Variants in OSBPL8 observed in about 807,000 individuals in gnomAD.
OSBPL8 encodes oxysterol-binding protein-related protein 8.
Under a neutral mutation model 125.5 loss-of-function variants are expected in OSBPL8, and 59 were observed. That is an observed-to-expected ratio of 0.47 (90% CI 0.38 to 0.58). The LOEUF is 0.58. Ranked by LOEUF, OSBPL8 falls within the 20% of genes least tolerant of loss-of-function variation. The probability of loss-of-function intolerance (pLI) is 0.00; values close to 1 mark genes in which losing one functional copy is unlikely to be tolerated. For synonymous variants in OSBPL8, 330 were observed against 338.9 expected (o/e 0.97, Z 0.29); for missense variants, 758 against 1,047.8 (o/e 0.72, Z 3.82).
At chr12:76,514,873 T>C (rs1881376744) in intron 1 of OSBPL8, among the ~76,000 whole-genome samples, 1 of 152,352 alleles carries the variant, frequency 6.6e-6, no homozygotes, top group South Asian at 2.1e-4. Flanking sequence ...TTTATGTTTG[T>C]CTATCTTATT....
intron 17 of OSBPL8, among the ~76,000 whole-genome samples, chr12:76,373,735 C>CGTAA (rs1565836555): frequency 6.6e-6 from 1 of 152,024 alleles, no homozygotes; most frequent in Non-Finnish European, 1.5e-5. Context: ...TGTGTCCTCC[C>CGTAA]CTGTCAAGAC....
chr12:76,485,504 G>A (rs764246821), intron 2 of OSBPL8, among the ~76,000 whole-genome samples: 7 of 152,056 alleles, frequency 4.6e-5, no homozygotes, highest in Non-Finnish European at 1.0e-4. Flanking sequence ...ACCAGGAGGC[G>A]GAGGTTGCGG....
chr12:76,532,259 A>T (rs1226185798), intron 1 of OSBPL8, among the ~76,000 whole-genome samples: 1 of 152,102 alleles, frequency 6.6e-6, no homozygotes, highest in Non-Finnish European at 1.5e-5. Flanking sequence ...GAAAATGAAA[A>T]GCACTTAATA....
intron 1 of OSBPL8, among the ~76,000 whole-genome samples, chr12:76,537,592 A>T (rs1404801590): frequency 6.6e-6 from 1 of 152,164 alleles, no homozygotes; most frequent in Admixed American, 6.6e-5. Context: ...GATGAGAGAG[A>T]TTCACAATGA....
chr12:76,410,442 C>T, intron 5 of OSBPL8, 122 bp downstream of exon 5: 1 of 687,780 alleles, frequency 1.5e-6, no homozygotes, highest in African/African-American at 1.8e-5. Context: ...ATACACACTA[C>T]ATGGTTCAGA....
At chr12:76,498,261 C>T (rs1879488055) in intron 1 of OSBPL8, among the ~76,000 whole-genome samples, 2 of 152,190 alleles carry the variant, frequency 1.3e-5, no homozygotes, top group South Asian at 4.1e-4. Context: ...AGAGGTCACA[C>T]AATGTCAGGA....
At chr12:76,468,549 T>C (rs1875737956) in intron 2 of OSBPL8, among the ~76,000 whole-genome samples, 1 of 152,222 alleles carries the variant, frequency 6.6e-6, no homozygotes, top group African/African-American at 2.4e-5. Context: ...CACTGCAATA[T>C]CTCTTAAAAC....
intron 14 of OSBPL8, 166 bp downstream of exon 14, chr12:76,386,002 T>C: frequency 1.1e-6 from 1 of 919,030 alleles, no homozygotes; most frequent in African/African-American, 1.7e-5. Context: ...TATGAATATA[T>C]TTAGTAGTAC....
Position 76,437,942 on chromosome 12 carries a change from C to A in OSBPL8, c.217+12909G>T, listed in dbSNP as rs191610410. 1.1e-4 allele frequency among the ~76,000 whole-genome samples: 16 copies of A among 152,244 alleles called. No homozygotes were observed. In the East Asian group the frequency reaches 3.1e-3, roughly 29 times the overall value. The stretch of plus-strand genomic sequence containing the variant: ...TTTTGCTAACCACTTGTTATAGGCA[C>A]ACAGAACTGCAGTTAACATAAATTA... On this transcript the variant is annotated intron_variant, in intron 4 of 23. Coordinates refer to ENST00000261183, the MANE Select transcript of OSBPL8 (RefSeq NM_020841.5).
At chr12:76,377,442 T>C (rs992511294) in intron 16 of OSBPL8, among the ~76,000 whole-genome samples, 4 of 152,126 alleles carry the variant, frequency 2.6e-5, no homozygotes. Flanking sequence ...CATCTGTTAT[T>C]TCCTGACTTT....
In OSBPL8 at chr12:76,369,122, T is replaced by C. The variant is rs1386517066; in HGVS notation, c.2328+92A>G. The C allele has an allele frequency of 3.4e-6, 5 of 1,455,890 alleles. No individual in the cohort carries two copies. The Admixed American group carries it at 1.1e-4, about 32-fold the overall frequency. The allele number at this position is 1,455,890 out of a possible 1,614,324, so 90.2% of individuals were successfully genotyped here. On this transcript the variant is annotated intron_variant, in intron 21 of 23. Coordinates refer to ENST00000261183, the MANE Select transcript of OSBPL8 (RefSeq NM_020841.5). ...TGCGTATTTTGCTCACCCAAAATTT[T>C]AAATTTTGAAACCAAATTTTAGTTG...
At chr12:76,368,841 G>A (rs1952514280) in intron 21 of OSBPL8, among the ~76,000 whole-genome samples, 1 of 152,126 alleles carries the variant, frequency 6.6e-6, no homozygotes, top group African/African-American at 2.4e-5. Context: ...AATTGTGTAT[G>A]AGGTCCACTC....
chr12:76,387,197 G>A (rs759156601), intron 12 of OSBPL8, among the ~76,000 whole-genome samples: 4 of 152,282 alleles, frequency 2.6e-5, no homozygotes, highest in Middle Eastern at 3.4e-3. Flanking sequence ...GGATGCTGTA[G>A]TACATGGAGG....
rs1307026094 is a variant in OSBPL8, at chr12:76,352,795, G to C, written c.*3094C>G. On this transcript the variant is annotated 3_prime_UTR_variant, in exon 24 of 24. Coordinates refer to ENST00000261183, the MANE Select transcript of OSBPL8 (RefSeq NM_020841.5). ...AATTTTGACAGATATTCTTCAGAAA[G>C]TTAAAACTGCCTTCCACAAAATTTT... 1 of 152,454 alleles carries C rather than the reference G, an allele frequency of 6.6e-6. No individual in the cohort carries two copies. The highest frequency in any genetic ancestry group is 1.5e-5 in the Non-Finnish European group (1 of 67,912). 9.4% of individuals were successfully genotyped at this position (152,454 alleles called of 1,614,324 possible).
At chr12:76,434,036 C>G (rs1216878366) in intron 4 of OSBPL8, among the ~76,000 whole-genome samples, 1 of 148,018 alleles carries the variant, frequency 6.8e-6, no homozygotes, top group Non-Finnish European at 1.5e-5. Flanking sequence ...CCCAGAATAG[C>G]TAAAGAAATC....
intron 2 of OSBPL8, among the ~76,000 whole-genome samples, chr12:76,461,119 C>T (rs2136830711): frequency 6.6e-6 from 1 of 152,300 alleles, no homozygotes; most frequent in East Asian, 1.9e-4. Flanking sequence ...TTCTCCTGGG[C>T]TGAAGCAATC....
chr12:76,354,026 A>G lies in OSBPL8; in HGVS notation c.*1863T>C, dbSNP rs1445652803. The G allele has an allele frequency of 6.6e-6, 1 of 152,400 alleles. No homozygotes were observed. The highest frequency in any genetic ancestry group is 1.5e-5 in the Non-Finnish European group (1 of 67,810). The allele number at this position is 152,400 out of a possible 1,614,324, so 9.4% of individuals were successfully genotyped here. On this transcript the variant is annotated 3_prime_UTR_variant, in exon 24 of 24. Transcript: ENST00000261183. ...GTTTACTGATGAAATGATTTTTGTG[A>G]TAAGCCAATCAATTTGTATGTAATT...
chr12:76,358,871 G>A, intron 21 of OSBPL8, 60 bp from the exon 22 acceptor site: 1 of 1,258,984 alleles, frequency 7.9e-7, no homozygotes, highest in South Asian at 1.2e-5. Flanking sequence ...AAGACCAACT[G>A]TGTACAATTG....
chr12:76,454,747 G>A (rs1477074607), intron 3 of OSBPL8, among the ~76,000 whole-genome samples: 3 of 147,286 alleles, frequency 2.0e-5, no homozygotes, highest in Non-Finnish European at 4.5e-5. Context: ...AAAAAAAAAG[G>A]TAACTACAAA....
Sources: allele counts gnomAD v4.1 joint callset (sites outside exome capture counted in the v4.1 genomes callset), GRCh38; gene constraint gnomAD v4.1.1; transcripts MANE v1.5; gene names NCBI Gene and HGNC (gene_info 2026-07-23, HGNC 2026-07-21).